Variants in SUGCT observed in about 807,000 individuals in gnomAD.
The protein encoded by SUGCT is succinyl-CoA:glutarate-CoA transferase, also known as succinyl-CoA:glutarate CoA-transferase.
Under a neutral mutation model 55.0 loss-of-function variants are expected in SUGCT, and 41 were observed. The observed-to-expected ratio is 0.74, with a 90% CI of 0.58 to 0.97. The LOEUF (loss-of-function observed/expected upper bound fraction) is 0.97. SUGCT is among the 50% of genes least tolerant of loss of function. SUGCT has a pLI of 0.00. For synonymous variants in SUGCT, 187 were observed against 200.4 expected (o/e 0.93, Z 0.56); for missense variants, 568 against 547.8 (o/e 1.04, Z -0.37).
chr7:40,778,240 G>A (rs965188751), intron 13 of SUGCT, among the ~76,000 whole-genome samples: 3 of 146,692 alleles, frequency 2.0e-5, no homozygotes, highest in Non-Finnish European at 3.0e-5. Flanking sequence ...ACAGACTCTA[G>A]TATACCTGTG....
intron 9 of SUGCT, among the ~76,000 whole-genome samples, chr7:40,352,325 T>A (rs547746902): frequency 6.9e-4 from 105 of 152,286 alleles, no homozygotes; most frequent in Middle Eastern, 3.4e-3. Context: ...CTATTTTTTT[T>A]AATGTTTTAT....
chr7:40,816,727 T>C (rs1791690478), intron 13 of SUGCT, among the ~76,000 whole-genome samples: 1 of 152,202 alleles, frequency 6.6e-6, no homozygotes, highest in African/African-American at 2.4e-5. Flanking sequence ...GTGGGGTAGT[T>C]GGTCAATTTT....
chr7:41,032,523 T>G, the SUGCT span, among the ~76,000 whole-genome samples: 1 of 152,198 alleles, frequency 6.6e-6, no homozygotes, highest in East Asian at 1.9e-4. Flanking sequence ...AGACTCACTG[T>G]AAGTACACAA....
intron 12 of SUGCT, among the ~76,000 whole-genome samples, chr7:40,586,889 C>T (rs939837512): frequency 2.0e-5 from 3 of 152,162 alleles, no homozygotes; most frequent in African/African-American, 7.2e-5. Flanking sequence ...GCCTAAATGT[C>T]TTTTAACTGG....
intron 9 of SUGCT, among the ~76,000 whole-genome samples, chr7:40,371,512 A>G (rs1289223351): frequency 1.3e-5 from 2 of 152,126 alleles, no homozygotes; most frequent in Non-Finnish European, 2.9e-5. Context: ...CAGGTTCCTA[A>G]AAGCATTTTT....
chr7:40,682,842 T>C (rs7808606), intron 12 of SUGCT, among the ~76,000 whole-genome samples: 47,618 of 151,776 alleles, frequency 0.31, 7,722 homozygotes, highest in African/African-American at 0.41. Flanking sequence ...TGAATGTGGA[T>C]CTAAGTTATA....
chr7:40,687,103 ATGT>A (rs1443707002), intron 12 of SUGCT, among the ~76,000 whole-genome samples: 2 of 152,246 alleles, frequency 1.3e-5, no homozygotes, highest in East Asian at 1.9e-4. Flanking sequence ...AGCCTGTAAA[ATGT>A]TGTTACCATC....
At chr7:40,564,096 G>C (rs1431361386) in intron 12 of SUGCT, among the ~76,000 whole-genome samples, 1 of 152,194 alleles carries the variant, frequency 6.6e-6, no homozygotes, top group East Asian at 1.9e-4. Context: ...CGTCTTGGCC[G>C]GGCGCCATGG....
intron 12 of SUGCT, among the ~76,000 whole-genome samples, chr7:40,553,389 TA>T (rs1795402044): frequency 1.3e-5 from 2 of 152,208 alleles, no homozygotes; most frequent in South Asian, 4.1e-4. Flanking sequence ...AGTTGTATCA[TA>T]CAGAATAGAC....
the SUGCT span, among the ~76,000 whole-genome samples, chr7:40,949,048 T>G: frequency 2.6e-5 from 4 of 152,222 alleles, no homozygotes; most frequent in Non-Finnish European, 5.9e-5. Context: ...CCACTATGGT[T>G]GAAGTAGTTT....
chr7:40,854,873 C>A (rs1794088361), intron 13 of SUGCT, among the ~76,000 whole-genome samples: 1 of 151,946 alleles, frequency 6.6e-6, no homozygotes. Flanking sequence ...GAGCTCGAGG[C>A]CGCAGTGAGC....
chr7:40,873,850 T>C, the SUGCT span, among the ~76,000 whole-genome samples: 1 of 152,198 alleles, frequency 6.6e-6, no homozygotes, highest in Admixed American at 6.5e-5. Context: ...CTCATCCTAT[T>C]ACCTAAGAAA....
At chr7:40,968,995 G>T in the SUGCT span, among the ~76,000 whole-genome samples, 1 of 152,214 alleles carries the variant, frequency 6.6e-6, no homozygotes, top group African/African-American at 2.4e-5. Context: ...CCCTGAGGCT[G>T]TCCTCTTATT....
chr7:40,806,492 T>C (rs12666544), intron 13 of SUGCT, among the ~76,000 whole-genome samples: 47,711 of 151,946 alleles, frequency 0.31, 7,915 homozygotes, highest in East Asian at 0.44. Flanking sequence ...TCTTTTTTAC[T>C]TTTTTCCCTA....
chr7:40,724,499 C>A (rs991235993), intron 12 of SUGCT, among the ~76,000 whole-genome samples: 1 of 151,620 alleles, frequency 6.6e-6, no homozygotes, highest in Admixed American at 6.6e-5. Flanking sequence ...GGAGGCGGAG[C>A]TTGCAGTGAG....
chr7:40,456,413 A>G (rs1370312573), intron 10 of SUGCT, among the ~76,000 whole-genome samples: 1 of 152,182 alleles, frequency 6.6e-6, no homozygotes, highest in Non-Finnish European at 1.5e-5. Flanking sequence ...AATTGTTCAT[A>G]TTGTTTGTCT....
At chr7:40,163,192 G>A (rs1019495003) in intron 1 of SUGCT, among the ~76,000 whole-genome samples, 11 of 152,210 alleles carry the variant, frequency 7.2e-5, no homozygotes, top group Non-Finnish European at 1.5e-4. Flanking sequence ...ATGTGGAAGA[G>A]CAGTGAGATT....
intron 12 of SUGCT, among the ~76,000 whole-genome samples, chr7:40,710,674 G>A (rs563404080): frequency 2.0e-5 from 3 of 152,002 alleles, no homozygotes; most frequent in Admixed American, 2.0e-4. Context: ...ACTAGTCTAG[G>A]AAAAAAAGAG....
intron 12 of SUGCT, among the ~76,000 whole-genome samples, chr7:40,524,583 T>G (rs1178921996): frequency 2.0e-5 from 3 of 152,164 alleles, no homozygotes; most frequent in Admixed American, 6.6e-5. Flanking sequence ...TTCTGAACAT[T>G]GTTTTTAAGG....
Sources: gnomAD v4.1 joint callset for allele counts (sites outside exome capture counted in the v4.1 genomes callset) on GRCh38, gnomAD v4.1.1 for gene constraint, MANE v1.5 for transcripts, NCBI Gene and HGNC (gene_info 2026-07-23, HGNC 2026-07-21) for gene names.